CSMD1: variants seen among roughly 807,000 people sequenced by gnomAD.
CSMD1 encodes the protein CUB and Sushi multiple domains 1, also known as CUB and sushi domain-containing protein 1.
CSMD1 carries 213 observed loss-of-function variants against 417.5 expected under a neutral mutation model. That is an observed-to-expected ratio of 0.51 (90% CI 0.46 to 0.57). The LOEUF (loss-of-function observed/expected upper bound fraction) is 0.57, where lower values mean the gene tolerates loss of function less well. Ranked by LOEUF, CSMD1 falls within the 20% of genes least tolerant of loss-of-function variation. CSMD1 has a pLI of 0.00. For missense variants in CSMD1, 6,923 were observed against 4,529.7 expected (o/e 1.53, Z -15.17); for synonymous variants, 2,862 against 1,736.8 (o/e 1.65, Z -16.11).
At chr8:3,275,310 AT>A (rs1225153082) in intron 26 of CSMD1, among the ~76,000 whole-genome samples, 2 of 152,086 alleles carry the variant, frequency 1.3e-5, no homozygotes, top group African/African-American at 4.8e-5. Context: ...TGTTAGTCTG[AT>A]GGGCTTCCCT....
chr8:4,306,521 G>A (rs371767308), intron 3 of CSMD1, among the ~76,000 whole-genome samples: 4 of 152,162 alleles, frequency 2.6e-5, no homozygotes, highest in African/African-American at 9.7e-5. Flanking sequence ...GATATCCACT[G>A]CTCATCTTGA....
chr8:4,194,820 AG>A (rs1799236041), intron 3 of CSMD1, among the ~76,000 whole-genome samples: 1 of 151,954 alleles, frequency 6.6e-6, no homozygotes, highest in Admixed American at 6.6e-5. Flanking sequence ...AGTTCTGCAA[AG>A]AAAAAAAAAA....
At chr8:4,619,132 A>G (rs1396324573) in intron 2 of CSMD1, among the ~76,000 whole-genome samples, 2 of 152,104 alleles carry the variant, frequency 1.3e-5, no homozygotes, top group Non-Finnish European at 2.9e-5. Flanking sequence ...TTTGCCCTAG[A>G]TTTAACTCAT....
At chr8:3,183,038 A>T (rs890041995) in intron 36 of CSMD1, 2 of 150,984 alleles carry the variant, frequency 1.3e-5, no homozygotes, top group East Asian at 2.0e-4. Flanking sequence ...CTTTACAGGC[A>T]TGAGCCACCG....
intron 3 of CSMD1, among the ~76,000 whole-genome samples, chr8:4,247,890 G>A (rs932181118): frequency 9.9e-5 from 15 of 151,912 alleles, no homozygotes; most frequent in South Asian, 8.3e-4. Flanking sequence ...TTTTCTTGAG[G>A]GATAAATTTT....
chr8:4,930,818 A>C (rs1285778728), intron 1 of CSMD1, among the ~76,000 whole-genome samples: 1 of 152,230 alleles, frequency 6.6e-6, no homozygotes, highest in East Asian at 1.9e-4. Flanking sequence ...CATTTATTTG[A>C]TGTGTGACCA....
At chr8:3,112,061 C>G (rs757233742) in intron 42 of CSMD1, among the ~76,000 whole-genome samples, 1 of 152,000 alleles carries the variant, frequency 6.6e-6, no homozygotes, top group Admixed American at 6.6e-5. Context: ...GGTCCAGGCT[C>G]TGCTCACAGA....
At chr8:4,200,773 G>C (rs1328081735) in intron 3 of CSMD1, among the ~76,000 whole-genome samples, 2 of 152,182 alleles carry the variant, frequency 1.3e-5, no homozygotes, top group Non-Finnish European at 1.5e-5. Context: ...GAGATGGGAG[G>C]ATTTGTTAAT....
Position 4,022,348 on chromosome 8 carries a change from T to C in CSMD1, c.610+9557A>G, listed in dbSNP as rs185067686. ...ACCCCTCCAATTCAGCAGAAGTGAATAGCATACTTAAAATCATGAAGCAAC... is the reference window on the plus strand; with the variant it reads ...ACCCCTCCAATTCAGCAGAAGTGAACAGCATACTTAAAATCATGAAGCAAC... On this transcript the variant is annotated intron_variant, in intron 4 of 69. Transcript: ENST00000635120. Among the ~76,000 whole-genome samples the C allele has an allele frequency of 6.7e-3, 1,024 of 152,136 alleles. 11 individuals carry two copies. The highest frequency in any genetic ancestry group is 0.012 in the Non-Finnish European group (785 of 67,992).
intron 3 of CSMD1, among the ~76,000 whole-genome samples, chr8:4,358,800 T>C (rs144377558): frequency 5.3e-5 from 8 of 152,130 alleles, no homozygotes; most frequent in African/African-American, 1.9e-4. Context: ...AAGGCAAGGG[T>C]AAACAAGTTA....
intron 6 of CSMD1, among the ~76,000 whole-genome samples, chr8:3,747,765 T>C (rs181053470): frequency 4.6e-5 from 7 of 152,326 alleles, no homozygotes; most frequent in Admixed American, 6.5e-5. Flanking sequence ...GTCGTATCAA[T>C]TCAGATTTCC....
At chr8:3,999,545 A>T (rs1479480654) in intron 4 of CSMD1, among the ~76,000 whole-genome samples, 1 of 152,146 alleles carries the variant, frequency 6.6e-6, no homozygotes, top group Non-Finnish European at 1.5e-5. Context: ...GGTCCCTTCA[A>T]ATTAGCTGCC....
At position 3,052,380 on chromosome 8, in the gene CSMD1, A is replaced by T. The variant is rs914111222; in HGVS notation, c.7660+82T>A. ...ACAAGGTGTGGGAGAGGACCTCTGA[A>T]CGTGGGAACCCGGACTTCTCCCGAA... On this transcript the variant is annotated intron_variant, in intron 50 of 69. Coordinates refer to ENST00000635120, the MANE Select transcript of CSMD1 (RefSeq NM_033225.6). 3 of 1,050,418 alleles carry T rather than the reference A, an allele frequency of 2.9e-6. No homozygotes were observed. The Admixed American group carries it at 8.1e-5, about 28-fold the overall frequency. 65.1% of individuals were successfully genotyped at this position (1,050,418 alleles called of 1,614,324 possible). A position where few individuals can be genotyped will look rare whatever the true frequency, so the allele number is the denominator to read the frequency against.
intron 2 of CSMD1, among the ~76,000 whole-genome samples, chr8:4,424,958 ATAT>A (rs544671918): frequency 1.5e-4 from 23 of 152,258 alleles, no homozygotes; most frequent in African/African-American, 5.5e-4. Flanking sequence ...ACTCAAGAAC[ATAT>A]TAAGATTAAA....
At chr8:4,265,878 T>C (rs892250556) in intron 3 of CSMD1, among the ~76,000 whole-genome samples, 3 of 104,578 alleles carry the variant, frequency 2.9e-5, no homozygotes, top group African/African-American at 7.8e-5. Flanking sequence ...TCCCCACAGA[T>C]AAAGATTCCC....
chr8:4,562,308 G>A (rs1442137904), intron 2 of CSMD1, among the ~76,000 whole-genome samples: 1 of 152,196 alleles, frequency 6.6e-6, no homozygotes, highest in African/African-American at 2.4e-5. Flanking sequence ...GGAGGACTCA[G>A]CAAGGTCAGT....
intron 1 of CSMD1, among the ~76,000 whole-genome samples, chr8:4,922,556 C>T (rs1240514971): frequency 6.6e-6 from 1 of 152,142 alleles, no homozygotes; most frequent in African/African-American, 2.4e-5. Flanking sequence ...TTTTTAAGTG[C>T]ACATATTACA....
At chr8:4,804,088 G>C (rs1485407298) in intron 1 of CSMD1, among the ~76,000 whole-genome samples, 1 of 152,120 alleles carries the variant, frequency 6.6e-6, no homozygotes, top group Non-Finnish European at 1.5e-5. Flanking sequence ...TTGGTTATTT[G>C]TTCAACCATT....
chr8:4,397,640 C>G (rs1318495773), intron 3 of CSMD1, among the ~76,000 whole-genome samples: 1 of 143,146 alleles, frequency 7.0e-6, no homozygotes, highest in Non-Finnish European at 1.5e-5. Flanking sequence ...ATATGCATCA[C>G]TTGTTCTAAG....
Sources: gnomAD v4.1 joint callset for allele counts (sites outside exome capture counted in the v4.1 genomes callset) on GRCh38, gnomAD v4.1.1 for gene constraint, MANE v1.5 for transcripts, NCBI Gene and HGNC (gene_info 2026-07-23, HGNC 2026-07-21) for gene names.